CPAMD8: variants seen among roughly 807,000 people sequenced by gnomAD.
CPAMD8 encodes C3 and PZP like alpha-2-macroglobulin domain containing 8, also known as C3 and PZP-like alpha-2-macroglobulin domain-containing protein 8.
A neutral mutation model predicts 224.7 loss-of-function variants in CPAMD8; 146 were observed. The observed-to-expected ratio is 0.65, with a 90% CI of 0.57 to 0.75. The LOEUF (loss-of-function observed/expected upper bound fraction) is 0.75, where lower values mean the gene tolerates loss of function less well. Ranked by LOEUF, CPAMD8 falls within the 30% of genes least tolerant of loss-of-function variation. The pLI is 0.00. For missense variants in CPAMD8, 2,301 were observed against 2,537.5 expected, an observed-to-expected ratio of 0.91 and a Z score of 2.00; for synonymous variants, 966 against 1,044.6, an observed-to-expected ratio of 0.92 and a Z score of 1.45.
In CPAMD8 at chr19:16,914,466, G is replaced by A; in HGVS notation, c.3819C>T (p.Ala1273=). The change falls in exon 29 of 42, where the codon GCC becomes GCT. Residue 1273 remains alanine, a synonymous_variant. Coordinates refer to ENST00000443236, the MANE Select transcript of CPAMD8 (RefSeq NM_015692.5). The part of the protein sequence containing the change: ...GGIHGTVPLT[A]YVVVALLETG... ...TTTCCAGGAGAGCAACCACCACGTAGGCTGTCAGCGGGACAGTGCCGTGGA... is the reference window on the plus strand; with the variant it reads ...TTTCCAGGAGAGCAACCACCACGTAAGCTGTCAGCGGGACAGTGCCGTGGA... 1 of 1,614,194 alleles carries A rather than the reference G, an allele frequency of 6.2e-7. No homozygotes were observed.
In CPAMD8 at chr19:16,969,416, TCA is replaced by T. The variant is rs528891559; in HGVS notation, c.2213+1473_2213+1474del. Among the ~76,000 whole-genome samples, 7 of 152,276 alleles carry T rather than the reference TCA, an allele frequency of 4.6e-5. No homozygotes were observed. The South Asian group carries it at 1.5e-3, about 32-fold the overall frequency. On this transcript the variant is annotated intron_variant, in intron 18 of 41. Transcript: ENST00000443236. The stretch of plus-strand genomic sequence containing the variant: ...CACTCTACAGTGCAGAGGACACCCC[TCA>T]CAGTGCACAGAATAATCCTACCCTG...
chr19:16,969,893 A>C (rs922602261), intron 18 of CPAMD8, among the ~76,000 whole-genome samples: 29 of 150,284 alleles, frequency 1.9e-4, no homozygotes, highest in African/African-American at 6.9e-4. Flanking sequence ...AAAAAAACAA[A>C]AACAACGAAA....
At chr19:16,987,166 AAAAAAAAAAAAAAATATATATAT>A (rs1272121175) in intron 13 of CPAMD8, among the ~76,000 whole-genome samples, 10 of 104,090 alleles carry the variant, frequency 9.6e-5, no homozygotes, top group African/African-American at 4.1e-4. Context: ...AAAAAAAAAA[AAAAAAAAAAAAAAATATATATAT>A]ATATATATAT....
chr19:16,959,493 T>C (rs1228090315), intron 18 of CPAMD8, among the ~76,000 whole-genome samples: 1 of 151,936 alleles, frequency 6.6e-6, no homozygotes, highest in Non-Finnish European at 1.5e-5. Flanking sequence ...ATTTCTCTAG[T>C]TCAGTGACAT....
chr19:16,955,222 G>A (rs2054430245), intron 19 of CPAMD8, among the ~76,000 whole-genome samples: 2 of 151,978 alleles, frequency 1.3e-5, no homozygotes, highest in African/African-American at 4.8e-5. Context: ...TTGAACCCTG[G>A]AGGCAGAGGT....
chr19:16,913,980 T>C (rs936969033), intron 29 of CPAMD8, among the ~76,000 whole-genome samples: 12 of 152,108 alleles, frequency 7.9e-5, no homozygotes, highest in Non-Finnish European at 1.5e-4. Context: ...TCTTGGGCCA[T>C]CTAAGCCCCA....
rs1443528458 is a variant in CPAMD8 at position 17,026,683 on chromosome 19, G to A, written c.-41C>T. 9 of 1,360,272 alleles carry A rather than the reference G, an allele frequency of 6.6e-6. No homozygotes were observed. Among genetic ancestry groups the A allele is most frequent in the East Asian group, 3.1e-5 (1 of 32,146 alleles). The allele number at this position is 1,360,272 out of a possible 1,614,324, so 84.3% of individuals were successfully genotyped here. A position where few individuals can be genotyped will look rare whatever the true frequency, so the allele number is the denominator to read the frequency against. ...GGGCGCCGCGCCTGGGGAGGGGGCCGGGCCAGGGCTGGGCCAGGGCCAGGG... is the reference window on the plus strand; with the variant it reads ...GGGCGCCGCGCCTGGGGAGGGGGCCAGGCCAGGGCTGGGCCAGGGCCAGGG... On this transcript the variant is annotated 5_prime_UTR_variant, in exon 1 of 42. Coordinates refer to ENST00000443236, the MANE Select transcript of CPAMD8 (RefSeq NM_015692.5).
chr19:16,993,505 T>C lies in CPAMD8; in HGVS notation c.1177A>G (p.Ile393Val), dbSNP rs754323670. 6.2e-7 allele frequency: 1 copy of C among 1,614,092 alleles called. No individual in the cohort carries two copies. The highest frequency in any genetic ancestry group is 8.5e-7 in the Non-Finnish European group (1 of 1,179,952). The change falls in exon 12 of 42, where the codon ATC becomes GTC. Residue 393 changes from isoleucine to valine, a missense_variant. Around this residue, in one of 4 missense-constraint regions of CPAMD8, gnomAD observed 301 missense variants for 406.6 expected, o/e 0.74. Transcript: ENST00000443236. ...IKAELTPKDN[I>V]YTSEVVSQRG... ...TGGGACACAACTTCACTGGTGTAGA[T>C]GTTATCCTTTGGTGTCAGCTCTGCC...
chr19:17,015,070 C>T (rs1340773594), intron 3 of CPAMD8, among the ~76,000 whole-genome samples: 1 of 152,080 alleles, frequency 6.6e-6, no homozygotes, highest in Non-Finnish European at 1.5e-5. Flanking sequence ...GGCGAAGCCC[C>T]GTCTCTACTG....
At chr19:16,906,742 C>G (rs549496453) in intron 30 of CPAMD8, among the ~76,000 whole-genome samples, 1 of 151,870 alleles carries the variant, frequency 6.6e-6, no homozygotes, top group African/African-American at 2.4e-5. Flanking sequence ...CGGAGTCTTG[C>G]TCTGTTACCC....
At position 17,008,750 on chromosome 19, in the gene CPAMD8, T is replaced by C. The variant is rs897768; in HGVS notation, c.505-191A>G. The C allele has an allele frequency of 1, 689,831 of 692,870 alleles. 343,464 individuals are homozygous for C. The highest frequency in any genetic ancestry group is 1 in the African/African-American group (56,279 of 56,280). The allele number at this position is 692,870 out of a possible 1,614,324, so 42.9% of individuals were successfully genotyped here. The stretch of plus-strand genomic sequence containing the variant: ...GAAGGATTTGAAAAGCAGAAGGGGA[T>C]GGGCTGGGCCTACCTCCTCATTTAG... On this transcript the variant is annotated intron_variant, in intron 6 of 41. Coordinates refer to ENST00000443236, the MANE Select transcript of CPAMD8 (RefSeq NM_015692.5).
chr19:16,998,273 A>G (rs921446832), intron 10 of CPAMD8, among the ~76,000 whole-genome samples: 2 of 152,200 alleles, frequency 1.3e-5, no homozygotes, highest in African/African-American at 4.8e-5. Flanking sequence ...CAGCCTGGCC[A>G]ACATGGCAAA....
intron 18 of CPAMD8, among the ~76,000 whole-genome samples, chr19:16,965,376 G>A (rs561419751): frequency 1.1e-3 from 170 of 152,188 alleles, no homozygotes; most frequent in African/African-American, 3.8e-3. Context: ...CAAACCCACA[G>A]CCAATATCAT....
At chr19:17,008,093 C>T (rs556931747) in intron 7 of CPAMD8, among the ~76,000 whole-genome samples, 50 of 152,294 alleles carry the variant, frequency 3.3e-4, no homozygotes, top group South Asian at 2.7e-3. Context: ...CTCTTGAACC[C>T]GGGAGGCAGA....
At position 16,899,969 on chromosome 19, in the gene CPAMD8, T is replaced by C. The variant is rs140633104; in HGVS notation, c.4774-420A>G. Among the ~76,000 whole-genome samples the C allele has an allele frequency of 5.1e-3, 775 of 151,210 alleles. 6 individuals carry two copies. Among genetic ancestry groups the C allele is most frequent in the Non-Finnish European group, 5.2e-3 (354 of 67,774 alleles). ...CTCCAAGGCCTCTGAATTGACCACA[T>C]CCTCATCCCCTGGTGCTCCGTGCAG... On this transcript the variant is annotated intron_variant, in intron 36 of 41. Transcript: ENST00000443236. The surrounding 1 kb of genome is among the most constrained non-coding windows in gnomAD (Gnocchi z 5.4).
intron 20 of CPAMD8, among the ~76,000 whole-genome samples, chr19:16,948,744 A>C (rs551007096): frequency 8.7e-5 from 13 of 148,948 alleles, no homozygotes; most frequent in African/African-American, 3.2e-4. Context: ...AAGAAGAAGA[A>C]AAGGAAAGAA....
At chr19:16,894,918 T>TATA (rs2051898760) in intron 41 of CPAMD8, 1 of 140,908 alleles carries the variant, frequency 7.1e-6, no homozygotes, top group African/African-American at 6.4e-5. Flanking sequence ...ACCCCATCTC[T>TATA]ACAACACACA....
rs143454938 is a variant in CPAMD8 at position 16,997,284 on chromosome 19, C to T, written c.922G>A (p.Val308Ile). Reference sequence around the variant, plus strand: ...ACCCTGCCCCGGAAGTGCTCAGGGACGTCCGCTGGGATCATGTCCCTCACG... The same window carrying T: ...ACCCTGCCCCGGAAGTGCTCAGGGATGTCCGCTGGGATCATGTCCCTCACG... ...ICVRDMIPAD[V>I]PEHFRGRVSI... is the part of the protein sequence containing the mutation. Residue 308 changes from valine (V) to isoleucine (I), a missense_variant, in exon 11 of 42, where the codon GTC (valine) becomes ATC (isoleucine). Physicochemically the swap from Val to Ile is conservative, Grantham distance 29 (BLOSUM62 3). Transcript: ENST00000443236. 0.039 allele frequency: 61,043 copies of T among 1,582,118 alleles called. 1,398 individuals are homozygous for T. The highest frequency in any genetic ancestry group is 0.056 in the South Asian group (5,004 of 88,922).
At chr19:16,918,593 T>C (rs2053050278) in intron 27 of CPAMD8, among the ~76,000 whole-genome samples, 1 of 151,688 alleles carries the variant, frequency 6.6e-6, no homozygotes, top group Non-Finnish European at 1.5e-5. Context: ...GACTAAGGCA[T>C]GTACCACCAC....
Sources: allele counts gnomAD v4.1 joint callset (sites outside exome capture counted in the v4.1 genomes callset), GRCh38; gene constraint gnomAD v4.1.1; regional missense constraint gnomAD v4.1.1; non-coding constraint Gnocchi (gnomAD v3.1); transcripts MANE v1.5; gene names NCBI Gene and HGNC (gene_info 2026-07-23, HGNC 2026-07-21).